FAT3: variants seen among roughly 807,000 people sequenced by gnomAD.
FAT3 encodes the protein protocadherin Fat 3.
FAT3 carries 95 observed loss-of-function variants against 310.2 expected under a neutral mutation model. That is an observed-to-expected ratio of 0.31 (90% CI 0.26 to 0.36). The LOEUF (loss-of-function observed/expected upper bound fraction) is 0.36, where lower values mean the gene tolerates loss of function less well. FAT3 is among the 10% of genes least tolerant of loss of function. The pLI is 1.00. For synonymous variants in FAT3, 2,314 were observed against 2,192.9 expected (o/e 1.06, Z -1.54); for missense variants, 5,408 against 5,715.6 (o/e 0.95, Z 1.74).
chr11:92,661,074 T>C (rs1298155644), intron 3 of FAT3, among the ~76,000 whole-genome samples: 2 of 152,176 alleles, frequency 1.3e-5, no homozygotes, highest in African/African-American at 4.8e-5. Context: ...GAAGTAACAA[T>C]AGTCACAGGA....
At chr11:92,501,740 C>T (rs1952945965) in intron 2 of FAT3, among the ~76,000 whole-genome samples, 1 of 151,958 alleles carries the variant, frequency 6.6e-6, no homozygotes, top group Admixed American at 6.6e-5. Context: ...GCAACATGTG[C>T]CAGTCGTTGC....
At chr11:92,430,260 C>G (rs1401750885) in intron 2 of FAT3, among the ~76,000 whole-genome samples, 1 of 152,136 alleles carries the variant, frequency 6.6e-6, no homozygotes, top group Non-Finnish European at 1.5e-5. Flanking sequence ...ACTGGTTATT[C>G]CAGTTAGCAG....
intron 3 of FAT3, among the ~76,000 whole-genome samples, chr11:92,548,402 T>C (rs1345295170): frequency 6.6e-6 from 1 of 152,244 alleles, no homozygotes; most frequent in African/African-American, 2.4e-5. Flanking sequence ...GCTTAAGCTC[T>C]TCTGATTAAA....
At chr11:92,842,965 G>A (rs1220367882) in intron 18 of FAT3, among the ~76,000 whole-genome samples, 1 of 152,142 alleles carries the variant, frequency 6.6e-6, no homozygotes, top group African/African-American at 2.4e-5. Flanking sequence ...TTAGCCTTGG[G>A]TTTAGTGCTT....
rs1339558106 is a variant in FAT3, at chr11:92,800,137, G to A, written c.7124G>A (p.Ser2375Asn). The A allele has an allele frequency of 1.2e-6, 2 of 1,613,942 alleles. No homozygotes were observed. Among genetic ancestry groups the A allele is most frequent in the Admixed American group, 1.7e-5 (1 of 60,020 alleles). ...RSIDSGFPSLSSEVLVHIYIS... is the reference protein window; with the variant it reads ...RSIDSGFPSLNSEVLVHIYIS... ...ATAGATAGTGGCTTCCCATCACTGA[G>A]CAGTGAGGTTCTCGTTCATATCTAC... The change falls in exon 10 of 28, where the codon AGC becomes AAC. Residue 2375 changes from serine to asparagine, a missense_variant. Physicochemically the swap from Ser to Asn is conservative, Grantham distance 46. Transcript: ENST00000525166.
intron 2 of FAT3, among the ~76,000 whole-genome samples, chr11:92,360,222 CAGAG>C (rs1169780713): frequency 6.6e-6 from 1 of 152,194 alleles, no homozygotes; most frequent in Non-Finnish European, 1.5e-5. Context: ...AACAGACAAA[CAGAG>C]AGCCAAATCA....
intron 1 of FAT3, among the ~76,000 whole-genome samples, chr11:92,332,145 C>T (rs1375754089): frequency 1.3e-5 from 2 of 152,312 alleles, no homozygotes; most frequent in African/African-American, 2.4e-5. Context: ...ACATTTAGGG[C>T]TTGTGCTTTG....
At chr11:92,621,681 G>A (rs1289227996) in intron 3 of FAT3, among the ~76,000 whole-genome samples, 1 of 152,220 alleles carries the variant, frequency 6.6e-6, no homozygotes, top group African/African-American at 2.4e-5. Context: ...TTATTGTAAA[G>A]TCTTGTTCTT....
rs1364850985 is a variant in FAT3 at position 92,337,711 on chromosome 11, G to A, written c.-17-14385G>A. Among the ~76,000 whole-genome samples the A allele has an allele frequency of 4.6e-5, 7 of 152,228 alleles. No individual in the cohort carries two copies. In the South Asian group the frequency reaches 6.2e-4, roughly 14 times the overall value. On this transcript the variant is annotated intron_variant, in intron 1 of 27. Transcript: ENST00000525166. ...CCTCCCAAAGTGCTGGATTACAGGC[G>A]TAAGCCACCGCACTTGACGGAAAGT...
intron 1 of FAT3, among the ~76,000 whole-genome samples, chr11:92,335,469 A>C (rs1362253642): frequency 6.6e-6 from 1 of 151,768 alleles, no homozygotes; most frequent in African/African-American, 2.4e-5. Context: ...GTCAATAGCT[A>C]CTCCCTCCCA....
At chr11:92,590,890 AAC>A (rs1228125038) in intron 3 of FAT3, among the ~76,000 whole-genome samples, 2 of 152,156 alleles carry the variant, frequency 1.3e-5, no homozygotes, top group Non-Finnish European at 2.9e-5. Context: ...CTGAGATTTT[AAC>A]ACAAAGCCTA....
chr11:92,363,660 C>T (rs1948938285), intron 2 of FAT3, among the ~76,000 whole-genome samples: 1 of 152,152 alleles, frequency 6.6e-6, no homozygotes, highest in African/African-American at 2.4e-5. Context: ...TACTCTCGCC[C>T]ATCTAAATCA....
intron 3 of FAT3, among the ~76,000 whole-genome samples, chr11:92,638,841 G>A (rs762582705): frequency 2.0e-5 from 3 of 152,112 alleles, no homozygotes; most frequent in African/African-American, 7.2e-5. Context: ...ACCCAATGAC[G>A]ATTGGTCTGG....
At chr11:92,858,928 G>A (rs1183607859) in intron 20 of FAT3, among the ~76,000 whole-genome samples, 1 of 152,126 alleles carries the variant, frequency 6.6e-6, no homozygotes, top group African/African-American at 2.4e-5. Context: ...CTTGGCATGA[G>A]GCAAATAAGA....
At chr11:92,865,431 T>C (rs2136342876) in intron 21 of FAT3, among the ~76,000 whole-genome samples, 1 of 152,308 alleles carries the variant, frequency 6.6e-6, no homozygotes, top group Admixed American at 6.5e-5. Flanking sequence ...TCATTTCCTT[T>C]CCTTTTCTTT....
In FAT3 at chr11:92,353,839, C is replaced by T; in HGVS notation, c.1727C>T (p.Pro576Leu). 6.2e-7 allele frequency: 1 copy of T among 1,613,720 alleles called. No homozygotes were observed. The highest frequency in any genetic ancestry group is 8.5e-7 in the Non-Finnish European group (1 of 1,179,796). Residue 576 changes from proline (P) to leucine (L), a missense_variant, in exon 2 of 28, where the codon CCT becomes CTT. Transcript: ENST00000525166. ...ATAGGAAATGTCAACGACAACAGCC[C>T]TCTCTTTGAAAAAGTGGCTTGCCAG... ...IRIGNVNDNS[P>L]LFEKVACQGV...
At chr11:92,579,471 A>G (rs1475645312) in intron 3 of FAT3, among the ~76,000 whole-genome samples, 1 of 152,138 alleles carries the variant, frequency 6.6e-6, no homozygotes, top group African/African-American at 2.4e-5. Flanking sequence ...GATATATTCA[A>G]TAATAGGCCA....
chr11:92,315,510 T>TAGACAGAG (rs1197551111), intron 1 of FAT3, among the ~76,000 whole-genome samples: 2 of 78,144 alleles, frequency 2.6e-5, no homozygotes, highest in Admixed American at 1.5e-4. Context: ...TATATATATA[T>TAGACAGAG]ATAGAGAGAG....
chr11:92,280,944 T>G lies in FAT3; in HGVS notation c.-18+55770T>G, dbSNP rs1946402604. Among the ~76,000 whole-genome samples the G allele has an allele frequency of 2.0e-5, 3 of 152,198 alleles. No individual in the cohort carries two copies. In the South Asian group the frequency reaches 6.2e-4, roughly 32 times the overall value. ...CAACTTCTTAAAATCTAGGTTCTCT[T>G]TGACTTAATAATTCCACCTCTAAGA... On this transcript the variant is annotated intron_variant, in intron 1 of 27. Transcript: ENST00000525166.
Sources: gnomAD v4.1 joint callset for allele counts (sites outside exome capture counted in the v4.1 genomes callset) on GRCh38, gnomAD v4.1.1 for gene constraint, MANE v1.5 for transcripts, NCBI Gene and HGNC (gene_info 2026-07-23, HGNC 2026-07-21) for gene names.